The following TMEM132B variants were observed in gnomAD, a reference collection of about 807,000 sequenced individuals.
TMEM132B encodes transmembrane protein 132B.
A neutral mutation model predicts 90.8 loss-of-function variants in TMEM132B; 18 were observed. The observed-to-expected ratio is 0.20, with a 90% CI of 0.14 to 0.29. The LOEUF is 0.29. TMEM132B is among the 10% of genes least tolerant of loss of function. The pLI is 1.00. For synonymous variants in TMEM132B, 504 were observed against 523.3 expected, an observed-to-expected ratio of 0.96 and a Z score of 0.50; for missense variants, 1,096 against 1,326.8, an observed-to-expected ratio of 0.83 and a Z score of 2.70.
intron 1 of TMEM132B, among the ~76,000 whole-genome samples, chr12:125,313,574 T>TTCCCCTCCCC (rs1876173528): frequency 1.6e-5 from 1 of 64,016 alleles, no homozygotes; most frequent in Non-Finnish European, 2.8e-5. Flanking sequence ...CCCCTCTCCT[T>TTCCCCTCCCC]TCCCCTCCCC....
chr12:125,569,018 A>C (rs541291276), intron 4 of TMEM132B, among the ~76,000 whole-genome samples: 103 of 152,298 alleles, frequency 6.8e-4, no homozygotes, highest in African/African-American at 2.4e-3. Context: ...CCAGCTCAGC[A>C]GCTAACTTGG....
rs1436671569 is a variant in TMEM132B at position 125,657,079 on chromosome 12, G to A, written c.*2369G>A. The A allele has an allele frequency of 6.6e-6, 1 of 152,188 alleles. No individual in the cohort carries two copies. Among genetic ancestry groups the A allele is most frequent in the Non-Finnish European group, 1.5e-5 (1 of 68,054 alleles). The allele number at this position is 152,188 out of a possible 1,614,324, so 9.4% of individuals were successfully genotyped here. ...GATGGCAGTGCTTGACGGGGTGCAG[G>A]GAACAAACTGGGGAGCGTTCAAACA... On this transcript the variant is annotated 3_prime_UTR_variant, in exon 9 of 9. Coordinates refer to ENST00000682704, the MANE Select transcript of TMEM132B (RefSeq NM_001366854.1).
chr12:125,275,878 T>A (rs138914418), intron 1 of TMEM132B, among the ~76,000 whole-genome samples: 1 of 152,296 alleles, frequency 6.6e-6, no homozygotes, highest in African/African-American at 2.4e-5. Flanking sequence ...CATGCCTGGC[T>A]AATTTTTTAA....
chr12:125,340,944 G>A (rs555981249), intron 1 of TMEM132B, among the ~76,000 whole-genome samples: 12 of 152,330 alleles, frequency 7.9e-5, no homozygotes, highest in African/African-American at 2.6e-4. Context: ...GGGGCCAGTT[G>A]GGAGCACTCA....
chr12:125,324,373 C>T (rs7297525), intron 1 of TMEM132B, among the ~76,000 whole-genome samples: 4,362 of 152,292 alleles, frequency 0.029, 213 homozygotes, highest in African/African-American at 0.098. Flanking sequence ...AGGTGTGTCA[C>T]GTCACGCGTG....
intron 2 of TMEM132B, among the ~76,000 whole-genome samples, chr12:125,390,606 C>T (rs912500498): frequency 1.3e-5 from 2 of 152,210 alleles, no homozygotes; most frequent in Non-Finnish European, 2.9e-5. Context: ...GATGTAAAAG[C>T]ATTGCATCTT....
At chr12:125,565,961 G>A (rs1283453673) in intron 4 of TMEM132B, among the ~76,000 whole-genome samples, 1 of 152,178 alleles carries the variant, frequency 6.6e-6, no homozygotes, top group Non-Finnish European at 1.5e-5. Context: ...CCTGTTTCTT[G>A]TTCATATCAC....
At chr12:125,355,414 G>T (rs538570602) in intron 2 of TMEM132B, among the ~76,000 whole-genome samples, 2 of 152,222 alleles carry the variant, frequency 1.3e-5, no homozygotes, top group East Asian at 1.9e-4. Flanking sequence ...TGGGAGCACA[G>T]TTGGCTTTCT....
chr12:125,589,288 C>T (rs1290441005), intron 5 of TMEM132B, among the ~76,000 whole-genome samples: 2 of 151,920 alleles, frequency 1.3e-5, no homozygotes, highest in South Asian at 2.1e-4. Context: ...CGAGACCATC[C>T]TGGCTAACAC....
chr12:125,479,203 C>A (rs145137753), intron 3 of TMEM132B, among the ~76,000 whole-genome samples: 1,866 of 152,264 alleles, frequency 0.012, 17 homozygotes, highest in Middle Eastern at 0.044. Context: ...ACTGCATCAA[C>A]TAATGGGAAA....
At chr12:125,307,185 GTTA>G (rs1380576839) in intron 1 of TMEM132B, among the ~76,000 whole-genome samples, 1 of 152,168 alleles carries the variant, frequency 6.6e-6, no homozygotes, top group African/African-American at 2.4e-5. Context: ...TCCTATGCAT[GTTA>G]TTATTTATTT....
intron 1 of TMEM132B, among the ~76,000 whole-genome samples, chr12:125,257,003 C>T (rs1874452297): frequency 1.3e-5 from 2 of 152,118 alleles, no homozygotes; most frequent in Admixed American, 6.5e-5. Flanking sequence ...TTAGAAATTG[C>T]AGTTTTTGTA....
chr12:125,245,445 A>G (rs1316701705), intron 1 of TMEM132B, among the ~76,000 whole-genome samples: 2 of 130,968 alleles, frequency 1.5e-5, no homozygotes, highest in African/African-American at 5.8e-5. Context: ...ATCAGGTTGG[A>G]ATTCTGACCC....
At chr12:125,514,996 G>A (rs376590057) in intron 3 of TMEM132B, among the ~76,000 whole-genome samples, 7 of 152,152 alleles carry the variant, frequency 4.6e-5, no homozygotes, top group South Asian at 2.1e-4. Context: ...TAGCTTTTAC[G>A]GAAGGGGAGG....
chr12:125,572,309 G>A (rs1884818574), intron 4 of TMEM132B, among the ~76,000 whole-genome samples: 2 of 152,212 alleles, frequency 1.3e-5, no homozygotes, highest in African/African-American at 4.8e-5. Context: ...TTTGGGAGGT[G>A]TTTATGTCAT....
intron 4 of TMEM132B, among the ~76,000 whole-genome samples, chr12:125,569,457 G>T (rs1277325554): frequency 2.0e-5 from 3 of 152,126 alleles, no homozygotes; most frequent in African/African-American, 4.8e-5. Context: ...TTAAGATCTG[G>T]TGTCCATCCG....
At chr12:125,547,615 C>T (rs904934716) in intron 4 of TMEM132B, among the ~76,000 whole-genome samples, 7 of 152,174 alleles carry the variant, frequency 4.6e-5, no homozygotes, top group Non-Finnish European at 8.8e-5. Context: ...TAGACTTAAA[C>T]CGCAACATTT....
At chr12:125,535,486 G>A (rs1426212188) in intron 4 of TMEM132B, among the ~76,000 whole-genome samples, 4 of 152,166 alleles carry the variant, frequency 2.6e-5, no homozygotes, top group African/African-American at 4.8e-5. Context: ...AGGAGGCTCA[G>A]TTCTTGCCAT....
intron 1 of TMEM132B, among the ~76,000 whole-genome samples, chr12:125,338,967 G>A (rs1322799552): frequency 6.6e-6 from 1 of 152,186 alleles, no homozygotes; most frequent in Non-Finnish European, 1.5e-5. Flanking sequence ...AGCAGCACAT[G>A]TTCATTCTAG....
Sources: allele counts gnomAD v4.1 joint callset (sites outside exome capture counted in the v4.1 genomes callset), GRCh38; gene constraint gnomAD v4.1.1; transcripts MANE v1.5; gene names NCBI Gene and HGNC (gene_info 2026-07-23, HGNC 2026-07-21).